The following ADAP1 variants were observed in gnomAD, a reference collection of about 807,000 sequenced individuals.
The protein encoded by ADAP1 is arf-GAP with dual PH domain-containing protein 1.
A neutral mutation model predicts 54.9 loss-of-function variants in ADAP1; 31 were observed. That is an observed-to-expected ratio of 0.56 (90% CI 0.42 to 0.76). The LOEUF is 0.76. Among genes scored for constraint, ADAP1 ranks in the 30% least tolerant of loss-of-function variants. The pLI is 0.00. For synonymous variants in ADAP1, 313 were observed against 202.6 expected, an observed-to-expected ratio of 1.55 and a Z score of -4.63; for missense variants, 535 against 512.4, an observed-to-expected ratio of 1.04 and a Z score of -0.42.
intron 1 of ADAP1, among the ~76,000 whole-genome samples, chr7:939,186 G>A (rs1846866380): frequency 6.6e-6 from 1 of 152,162 alleles, no homozygotes. Context: ...GACTAGCTGT[G>A]ATGGAGACTC....
intron 4 of ADAP1, 182 bp from the exon 5 acceptor site, chr7:905,354 GGC>G (rs1444925909): frequency 3.2e-6 from 1 of 313,246 alleles, no homozygotes; most frequent in Non-Finnish European, 5.5e-6. Flanking sequence ...TAGGAAGATG[GGC>G]AGGGAAAGGG....
intron 1 of ADAP1, among the ~76,000 whole-genome samples, chr7:948,353 G>T (rs535936981): frequency 6.8e-4 from 103 of 152,062 alleles, no homozygotes; most frequent in African/African-American, 2.4e-3. Context: ...AATGGAACAC[G>T]CCCTGCAGAA....
rs538495906 is a variant in ADAP1 at position 905,053 on chromosome 7, G to A, written c.501+7C>T. ...AGGCCCCCACCCCACCCCCGTCTGT[G>A]ACTCACATCATTTCTGTTGAAATAC... On this transcript the variant is annotated splice_region_variant and intron_variant, in intron 5 of 10. Transcript: ENST00000265846. 11 of 1,609,160 alleles carry A rather than the reference G, an allele frequency of 6.8e-6. No homozygotes were observed. In the Admixed American group the frequency reaches 8.3e-5, roughly 12 times the overall value.
At chr7:909,695 G>T (rs1241386621) in intron 4 of ADAP1, among the ~76,000 whole-genome samples, 1 of 152,258 alleles carries the variant, frequency 6.6e-6, no homozygotes, top group East Asian at 1.9e-4. Context: ...TCACACGGCA[G>T]CGTCCTGGAC....
At chr7:927,708 G>A (rs1846435032) in intron 2 of ADAP1, among the ~76,000 whole-genome samples, 1 of 152,070 alleles carries the variant, frequency 6.6e-6, no homozygotes, top group Admixed American at 6.6e-5. Flanking sequence ...ACAGCAACAG[G>A]ACAAATCACC....
At chr7:906,657 G>GAAA (rs1554272369) in intron 4 of ADAP1, among the ~76,000 whole-genome samples, 25 of 86,124 alleles carry the variant, frequency 2.9e-4, no homozygotes, top group Admixed American at 8.8e-4. Context: ...AGGAGAAAGG[G>GAAA]GGCGGGAAAG....
intron 2 of ADAP1, among the ~76,000 whole-genome samples, chr7:934,838 G>A (rs540401574): frequency 6.6e-6 from 1 of 152,334 alleles, no homozygotes; most frequent in South Asian, 2.1e-4. Flanking sequence ...CAAGTGCTCC[G>A]TGAAGCCTCA....
At chr7:906,602 AGAAAG>A (rs1845382751) in intron 4 of ADAP1, among the ~76,000 whole-genome samples, 1 of 10,122 alleles carries the variant, frequency 9.9e-5, no homozygotes, top group Non-Finnish European at 1.5e-4. Context: ...AGGAGAAGGG[AGAAAG>A]GGAGAAAGGG....
At chr7:930,474 G>A (rs1846535727) in intron 2 of ADAP1, among the ~76,000 whole-genome samples, 1 of 151,584 alleles carries the variant, frequency 6.6e-6, no homozygotes, top group East Asian at 2.0e-4. Context: ...TCAGGAGTTT[G>A]AGACCAGCCT....
Position 926,823 on chromosome 7 carries a change from C to A in ADAP1, c.214-179G>T. ...CCCAGGGACACCATTTCTGAGTGAT[C>A]GACCCTCCCCTGGGACAGGGAAGGA... is the stretch of plus-strand genomic sequence containing the variant. On this transcript the variant is annotated intron_variant, in intron 2 of 10. Transcript: ENST00000265846. The surrounding 1 kb of genome is among the most constrained non-coding windows in gnomAD (Gnocchi z 4.6). 3 of 741,554 alleles carry A rather than the reference C, an allele frequency of 4.0e-6. No homozygotes were observed. Among genetic ancestry groups the A allele is most frequent in the Non-Finnish European group, 6.2e-6 (3 of 482,914 alleles). The allele number at this position is 741,554 out of a possible 1,614,324, so 45.9% of individuals were successfully genotyped here.
intron 4 of ADAP1, chr7:905,386 GA>G (rs1405551525): frequency 2.9e-5 from 8 of 275,084 alleles, no homozygotes; most frequent in Admixed American, 5.6e-5. Context: ...GGAGAAAGGA[GA>G]AAGGAGAAAG....
chr7:935,692 G>C (rs1168602602), intron 1 of ADAP1, among the ~76,000 whole-genome samples, 187 bp from the exon 2 acceptor site: 1 of 147,824 alleles, frequency 6.8e-6, no homozygotes, highest in Admixed American at 6.7e-5. Context: ...CCTCTGCCCG[G>C]TGCAGACGGG....
chr7:935,770 G>A (rs115252345), intron 1 of ADAP1, among the ~76,000 whole-genome samples: 2,895 of 152,174 alleles, frequency 0.019, 77 homozygotes, highest in African/African-American at 0.056. Flanking sequence ...CCCCGCGGGT[G>A]CCGGGAACCT....
Position 905,055 on chromosome 7 carries a change from C to T in ADAP1, c.501+5G>A. 1.9e-6 allele frequency: 3 copies of T among 1,609,604 alleles called. No homozygotes were observed. Among genetic ancestry groups the T allele is most frequent in the Non-Finnish European group, 2.5e-6 (3 of 1,179,622 alleles). On this transcript the variant is annotated splice_donor_5th_base_variant and intron_variant, in intron 5 of 10. Coordinates refer to ENST00000265846, the MANE Select transcript of ADAP1 (RefSeq NM_006869.4). ...GCCCCCACCCCACCCCCGTCTGTGA[C>T]TCACATCATTTCTGTTGAAATACTT...
intron 6 of ADAP1, among the ~76,000 whole-genome samples, chr7:902,576 CAAAGTT>C (rs1188397404): frequency 6.6e-6 from 1 of 151,144 alleles, no homozygotes; most frequent in Non-Finnish European, 1.5e-5. Flanking sequence ...GTGTTGGAGA[CAAAGTT>C]GAAGAAATTT....
chr7:925,835 G>A (rs1434289444), intron 3 of ADAP1, among the ~76,000 whole-genome samples: 1 of 152,238 alleles, frequency 6.6e-6, no homozygotes, highest in Non-Finnish European at 1.5e-5. Flanking sequence ...TTCACGGAGT[G>A]AGTCAACGGA....
At chr7:899,519 C>G in intron 8 of ADAP1, 29 bp from the exon 9 acceptor site, 1 of 1,606,476 alleles carries the variant, frequency 6.2e-7, no homozygotes, top group Non-Finnish European at 8.5e-7. Flanking sequence ...CCGTGACCGG[C>G]AGGTCGCCGA....
At chr7:909,407 G>A (rs559832539) in intron 4 of ADAP1, among the ~76,000 whole-genome samples, 1 of 135,920 alleles carries the variant, frequency 7.4e-6, no homozygotes. Flanking sequence ...CCTCCCGACA[G>A]CAGGCGCCAG....
chr7:936,862 T>C (rs1846776285), intron 1 of ADAP1, among the ~76,000 whole-genome samples: 1 of 152,202 alleles, frequency 6.6e-6, no homozygotes, highest in Non-Finnish European at 1.5e-5. Flanking sequence ...CCTTCAGGCC[T>C]GGCGGAGGAT....
Sources: allele counts gnomAD v4.1 joint callset (sites outside exome capture counted in the v4.1 genomes callset), GRCh38; gene constraint gnomAD v4.1.1; non-coding constraint Gnocchi (gnomAD v3.1); transcripts MANE v1.5; gene names NCBI Gene and HGNC (gene_info 2026-07-23, HGNC 2026-07-21).